The following GRIA4 variants were observed in gnomAD, a reference collection of about 807,000 sequenced individuals.
GRIA4 encodes glutamate ionotropic receptor AMPA type subunit 4, also known as glutamate receptor 4.
In GRIA4, 34 loss-of-function variants were observed where a neutral mutation model predicts 104.0. The observed-to-expected ratio is 0.33, with a 90% CI of 0.25 to 0.44. The LOEUF (loss-of-function observed/expected upper bound fraction) is 0.44. Ranked by LOEUF, GRIA4 falls within the 20% of genes least tolerant of loss-of-function variation. The pLI is 1.00. For missense variants in GRIA4, 750 were observed against 1,096.5 expected, an observed-to-expected ratio of 0.68 and a Z score of 4.46; for synonymous variants, 386 against 381.9, an observed-to-expected ratio of 1.01 and a Z score of -0.13.
intron 4 of GRIA4, among the ~76,000 whole-genome samples, chr11:105,831,683 G>A (rs549391116): frequency 1.3e-5 from 2 of 152,124 alleles, no homozygotes; most frequent in African/African-American, 4.8e-5. Flanking sequence ...CTGATAAATT[G>A]TGGATTGTCC....
chr11:105,686,783 G>A (rs1438300278), intron 3 of GRIA4, among the ~76,000 whole-genome samples: 1 of 152,114 alleles, frequency 6.6e-6, no homozygotes, highest in African/African-American at 2.4e-5. Flanking sequence ...GGTGTGGGAT[G>A]GTATCTCACT....
intron 4 of GRIA4, among the ~76,000 whole-genome samples, chr11:105,799,107 A>G (rs1051916651): frequency 6.6e-6 from 1 of 152,142 alleles, no homozygotes; most frequent in Admixed American, 6.6e-5. Flanking sequence ...CAACAAAGAA[A>G]CCGAGAACAA....
chr11:105,900,566 C>CGTGGAA, intron 7 of GRIA4, among the ~76,000 whole-genome samples: 1 of 152,070 alleles, frequency 6.6e-6, no homozygotes, highest in South Asian at 2.1e-4. Context: ...GAAATCTTTT[C>CGTGGAA]TTTTTTCTTT....
At chr11:105,759,573 C>G (rs1170921148) in intron 4 of GRIA4, among the ~76,000 whole-genome samples, 9 of 151,954 alleles carry the variant, frequency 5.9e-5, no homozygotes, top group African/African-American at 2.2e-4. Flanking sequence ...CAATCTGTCT[C>G]CTGATTGTTT....
intron 14 of GRIA4, among the ~76,000 whole-genome samples, chr11:105,957,599 T>A (rs1948623943): frequency 6.6e-6 from 1 of 152,342 alleles, no homozygotes; most frequent in African/African-American, 2.4e-5. Context: ...TGTGGGCTCA[T>A]TTTTGGTTCC....
At chr11:105,896,669 T>C (rs891664057) in intron 6 of GRIA4, among the ~76,000 whole-genome samples, 4 of 152,142 alleles carry the variant, frequency 2.6e-5, no homozygotes, top group African/African-American at 9.7e-5. Context: ...GAATAGAGTA[T>C]CCTTTCCCCT....
At chr11:105,749,880 A>C (rs893196493) in intron 3 of GRIA4, among the ~76,000 whole-genome samples, 2 of 152,228 alleles carry the variant, frequency 1.3e-5, no homozygotes, top group African/African-American at 4.8e-5. Context: ...TTTATAACTT[A>C]AAATATAGAG....
chr11:105,726,240 G>C (rs922211395), intron 3 of GRIA4, among the ~76,000 whole-genome samples: 8 of 152,082 alleles, frequency 5.3e-5, no homozygotes, highest in African/African-American at 1.7e-4. Context: ...GCTTGAGTAG[G>C]TGGTTTTCCC....
intron 3 of GRIA4, among the ~76,000 whole-genome samples, chr11:105,696,809 G>T (rs1953294987): frequency 6.6e-6 from 1 of 151,870 alleles, no homozygotes; most frequent in Non-Finnish European, 1.5e-5. Context: ...TAATCGTCCA[G>T]GCTGGAGTGC....
intron 3 of GRIA4, among the ~76,000 whole-genome samples, chr11:105,752,020 T>C (rs1228969109): frequency 6.6e-6 from 1 of 152,214 alleles, no homozygotes; most frequent in African/African-American, 2.4e-5. Flanking sequence ...ATTTTCTTTA[T>C]GGTACCTCCT....
chr11:105,729,536 C>A (rs1938446815), intron 3 of GRIA4, among the ~76,000 whole-genome samples: 1 of 152,168 alleles, frequency 6.6e-6, no homozygotes, highest in Non-Finnish European at 1.5e-5. Context: ...GATACCAAAA[C>A]CTGGCAGAGA....
At chr11:105,737,938 T>C (rs1289052557) in intron 3 of GRIA4, among the ~76,000 whole-genome samples, 1 of 151,884 alleles carries the variant, frequency 6.6e-6, no homozygotes, top group East Asian at 1.9e-4. Flanking sequence ...TGTCATGAAG[T>C]TTAAAGGAGA....
Position 105,736,511 on chromosome 11 carries a change from T to C in GRIA4, c.248-16470T>C, listed in dbSNP as rs754553359. The stretch of plus-strand genomic sequence containing the variant: ...TAGTACACTAAATACTCAAGTTATT[T>C]AGAAAAATTTTAGAATCTCCTTGTA... On this transcript the variant is annotated intron_variant, in intron 3 of 16. Coordinates refer to ENST00000282499, the MANE Select transcript of GRIA4 (RefSeq NM_000829.4). Among the ~76,000 whole-genome samples, 160 of 152,258 alleles carry C rather than the reference T, an allele frequency of 1.1e-3. 1 individual carries two copies. The highest frequency in any genetic ancestry group is 1.9e-3 in the Non-Finnish European group (127 of 68,008).
chr11:105,643,716 GT>G (rs1322928479), intron 3 of GRIA4, among the ~76,000 whole-genome samples: 2 of 151,932 alleles, frequency 1.3e-5, no homozygotes, highest in African/African-American at 4.8e-5. Context: ...TGGTGGTGTT[GT>G]TTTTTGTTTT....
intron 5 of GRIA4, among the ~76,000 whole-genome samples, chr11:105,866,898 T>C (rs1945439979): frequency 6.6e-6 from 1 of 152,028 alleles, no homozygotes; most frequent in Admixed American, 6.6e-5. Context: ...ACCAAGTATT[T>C]ATCAGGAAAA....
intron 3 of GRIA4, among the ~76,000 whole-genome samples, chr11:105,718,704 A>T (rs959154309): frequency 6.6e-6 from 1 of 152,172 alleles, no homozygotes; most frequent in Non-Finnish European, 1.5e-5. Context: ...ACACCTCCTA[A>T]AAGGAGCTAC....
chr11:105,775,843 C>T (rs1033628385), intron 4 of GRIA4, among the ~76,000 whole-genome samples: 1 of 151,896 alleles, frequency 6.6e-6, no homozygotes, highest in Non-Finnish European at 1.5e-5. Context: ...CAAATATCAT[C>T]AATGGTGACA....
At chr11:105,912,276 A>T (rs546926178) in intron 10 of GRIA4, 372 of 974,084 alleles carry the variant, frequency 3.8e-4, no homozygotes, top group Non-Finnish European at 4.4e-4. Context: ...TGTTTTCTGA[A>T]TATATACAGT....
At chr11:105,878,637 G>T (rs1421075974) in intron 5 of GRIA4, among the ~76,000 whole-genome samples, 1 of 152,210 alleles carries the variant, frequency 6.6e-6, no homozygotes, top group African/African-American at 2.4e-5. Flanking sequence ...TCTAGAGAGG[G>T]AGTCTGGCTA....
Sources: gnomAD v4.1 joint callset for allele counts (sites outside exome capture counted in the v4.1 genomes callset) on GRCh38, gnomAD v4.1.1 for gene constraint, MANE v1.5 for transcripts, NCBI Gene and HGNC (gene_info 2026-07-23, HGNC 2026-07-21) for gene names.